The following SFI1 variants were observed in gnomAD, a reference collection of about 807,000 sequenced individuals.
The protein encoded by SFI1 is protein SFI1 homolog.
In SFI1, 195 loss-of-function variants were observed where a neutral mutation model predicts 207.5. The ratio of observed to expected loss-of-function variants is 0.94; its 90% CI spans 0.84 to 1.06. The LOEUF is 1.06. Ranked by LOEUF, SFI1 falls within the 50% of genes least tolerant of loss-of-function variation. The probability of loss-of-function intolerance (pLI) is 0.00; values close to 1 mark genes in which losing one functional copy is unlikely to be tolerated. For synonymous variants in SFI1, 630 were observed against 598.9 expected (o/e 1.05, Z -0.76); for missense variants, 1,634 against 1,588.0 (o/e 1.03, Z -0.49).
intron 9 of SFI1, among the ~76,000 whole-genome samples, chr22:31,574,388 A>AT (rs1459231501): frequency 6.6e-6 from 1 of 152,190 alleles, no homozygotes; most frequent in Non-Finnish European, 1.5e-5. Flanking sequence ...TCCAGGTCTG[A>AT]TTCCCATCCC....
intron 17 of SFI1, 25 bp from the exon 18 acceptor site, chr22:31,603,719 A>G (rs1256050231): frequency 1.3e-6 from 2 of 1,512,230 alleles, no homozygotes; most frequent in Non-Finnish European, 8.8e-7. Context: ...GGGCTGCAGC[A>G]CTGAGCTCTG....
At chr22:31,513,727 A>G (rs1172110677) in intron 2 of SFI1, among the ~76,000 whole-genome samples, 2 of 151,788 alleles carry the variant, frequency 1.3e-5, no homozygotes, top group African/African-American at 4.8e-5. Flanking sequence ...ACAGGTGCAC[A>G]CCACCATGCC....
rs1477492402 is a variant in SFI1, at chr22:31,504,451, A to C, written c.-30-3804A>C. On this transcript the variant is annotated intron_variant, in intron 1 of 32. Transcript: ENST00000400288. Reference sequence around the variant, plus strand: ...TGACCTTGATTATAAGGGTGACTTCATTCTTTTAGAATGAAACAACTTGTA... The same window carrying C: ...TGACCTTGATTATAAGGGTGACTTCCTTCTTTTAGAATGAAACAACTTGTA... Among the ~76,000 whole-genome samples, 3 of 152,120 alleles carry C rather than the reference A, an allele frequency of 2.0e-5. No homozygotes were observed. The East Asian group carries it at 5.8e-4, about 29-fold the overall frequency.
At chr22:31,536,492 A>G (rs1044057367) in intron 4 of SFI1, among the ~76,000 whole-genome samples, 1 of 152,140 alleles carries the variant, frequency 6.6e-6, no homozygotes, top group African/African-American at 2.4e-5. Context: ...GCTCACTGCA[A>G]CCGCCACCTT....
chr22:31,522,178 C>A (rs2057360516), intron 2 of SFI1, among the ~76,000 whole-genome samples: 1 of 150,900 alleles, frequency 6.6e-6, no homozygotes, highest in Non-Finnish European at 1.5e-5. Flanking sequence ...AGCTGTTCTC[C>A]CGCCTCAGCC....
At chr22:31,579,945 G>A (rs2063917762) in intron 11 of SFI1, 2 of 199,734 alleles carry the variant, frequency 1.0e-5, no homozygotes, top group Non-Finnish European at 2.0e-5. Flanking sequence ...AGAGGCAACA[G>A]TTGATGTTTA....
chr22:31,524,420 T>C (rs1448264500), intron 2 of SFI1, among the ~76,000 whole-genome samples: 1 of 151,912 alleles, frequency 6.6e-6, no homozygotes. Flanking sequence ...GAGAATTTGC[T>C]CCCCTCACTT....
chr22:31,496,513 C>T (rs2052669111), upstream of SFI1: 2 of 152,226 alleles, frequency 1.3e-5, no homozygotes, highest in Admixed American at 6.5e-5. Context: ...GCGAGACTGG[C>T]GTCTAGAGGC....
chr22:31,611,649 G>A, intron 23 of SFI1, 117 bp from the exon 24 acceptor site: 1 of 1,064,122 alleles, frequency 9.4e-7, no homozygotes, highest in Non-Finnish European at 1.3e-6. Flanking sequence ...GCACCATCCA[G>A]GACTCCTAGC....
Position 31,613,493 on chromosome 22 carries a change from C to T in SFI1, c.2705C>T (p.Ala902Val). The change falls in exon 26 of 33, where the codon GCC becomes GTC. Residue 902 changes from alanine (A) to valine (V), a missense_variant. Ala to Val is a moderately conservative substitution (Grantham distance 64, BLOSUM62 0). Coordinates refer to ENST00000400288, the MANE Select transcript of SFI1 (RefSeq NM_001007467.3). ...CTGCGCTTTGCAGCCAGCATGAAGG[C>T]CTCCCGGCAGCAGCTGCAGGCCCAG... ...RLLRFAASMK[A>V]SRQQLQAQQQ... 3 of 1,596,376 alleles carry T rather than the reference C, an allele frequency of 1.9e-6. No individual in the cohort carries two copies. The highest frequency in any genetic ancestry group is 1.7e-6 in the Non-Finnish European group (2 of 1,175,598).
chr22:31,599,034 C>T (rs987429843), intron 15 of SFI1, among the ~76,000 whole-genome samples: 9 of 150,950 alleles, frequency 6.0e-5, no homozygotes, highest in East Asian at 5.9e-4. Context: ...GCTTGTGATC[C>T]GCCCGCCTCG....
At chr22:31,563,071 G>A (rs2148321675) in intron 8 of SFI1, among the ~76,000 whole-genome samples, 1 of 151,722 alleles carries the variant, frequency 6.6e-6, no homozygotes, top group Admixed American at 6.6e-5. Flanking sequence ...TTGCCTCACT[G>A]CAACCTCTGC....
At chr22:31,565,509 C>CTTGAACTCCATAGTGAGTTCAAG (rs2062199670) in intron 8 of SFI1, among the ~76,000 whole-genome samples, 3 of 136,708 alleles carry the variant, frequency 2.2e-5, no homozygotes, top group Non-Finnish European at 3.1e-5. Flanking sequence ...CCAGACTAGG[C>CTTGAACTCCATAGTGAGTTCAAG]AACATAGTGA....
At chr22:31,547,015 T>C (rs2060156429) in intron 5 of SFI1, 44 bp downstream of exon 5, 2 of 1,321,592 alleles carry the variant, frequency 1.5e-6, no homozygotes, top group Non-Finnish European at 2.1e-6. Flanking sequence ...TGATGCACAT[T>C]ATCAGATGAT....
intron 5 of SFI1, among the ~76,000 whole-genome samples, chr22:31,547,425 C>G (rs1272038834): frequency 6.6e-6 from 1 of 152,154 alleles, no homozygotes; most frequent in East Asian, 1.9e-4. Context: ...ATTCTACTGC[C>G]TCAGTCTCCC....
chr22:31,604,019 T>C (rs1372834267), intron 18 of SFI1, among the ~76,000 whole-genome samples, 200 bp downstream of exon 18: 2 of 152,214 alleles, frequency 1.3e-5, no homozygotes. Context: ...TCCTAGGCTG[T>C]TCTTATTTGA....
At chr22:31,521,908 C>T (rs1478853541) in intron 2 of SFI1, among the ~76,000 whole-genome samples, 4 of 151,754 alleles carry the variant, frequency 2.6e-5, no homozygotes, top group Non-Finnish European at 4.4e-5. Context: ...GGTCTGCAGG[C>T]ATGCGTCACC....
intron 14 of SFI1, among the ~76,000 whole-genome samples, chr22:31,586,859 T>C (rs1266989341): frequency 6.6e-6 from 1 of 152,220 alleles, no homozygotes; most frequent in Non-Finnish European, 1.5e-5. Flanking sequence ...CGGCCTGCTT[T>C]CAAAGGTATA....
intron 4 of SFI1, among the ~76,000 whole-genome samples, chr22:31,540,091 A>G (rs2059336499): frequency 7.3e-6 from 1 of 136,138 alleles, no homozygotes; most frequent in African/African-American, 2.8e-5. Context: ...AGATTTCACC[A>G]GGGAATCTAG....
Sources: allele counts gnomAD v4.1 joint callset (sites outside exome capture counted in the v4.1 genomes callset), GRCh38; gene constraint gnomAD v4.1.1; transcripts MANE v1.5; gene names NCBI Gene and HGNC (gene_info 2026-07-23, HGNC 2026-07-21).